The following ABTB3 variants were observed in gnomAD, a reference collection of about 807,000 sequenced individuals.
ABTB3 encodes ankyrin repeat- and BTB/POZ domain-containing protein 3.
At chr12:107,342,811 G>A in the ABTB3 span, among the ~76,000 whole-genome samples, 12 of 152,172 alleles carry the variant, frequency 7.9e-5, no homozygotes, top group East Asian at 3.9e-4. Flanking sequence ...CAAGCCCTAC[G>A]TATTTCTTGG....
At chr12:107,490,999 C>T in the ABTB3 span, among the ~76,000 whole-genome samples, 727 of 152,292 alleles carry the variant, frequency 4.8e-3, 9 homozygotes, top group Middle Eastern at 0.017. Context: ...GGGATTAGAA[C>T]TCAGATCTGC....
the ABTB3 span, among the ~76,000 whole-genome samples, chr12:107,614,378 T>A: frequency 1.3e-4 from 19 of 151,548 alleles, no homozygotes; most frequent in East Asian, 2.9e-3. Flanking sequence ...AGCAGAAGAG[T>A]GAAATGAGAA....
At chr12:107,335,891 T>G in the ABTB3 span, among the ~76,000 whole-genome samples, 1 of 152,096 alleles carries the variant, frequency 6.6e-6, no homozygotes, top group Non-Finnish European at 1.5e-5. Flanking sequence ...GAACCAATAT[T>G]GGTAATAAAC....
At chr12:107,586,200 G>A in the ABTB3 span, among the ~76,000 whole-genome samples, 1 of 152,118 alleles carries the variant, frequency 6.6e-6, no homozygotes. Context: ...GGTATCTTAT[G>A]GGGCAAGGGG....
At chr12:107,499,720 C>G in the ABTB3 span, among the ~76,000 whole-genome samples, 2 of 150,430 alleles carry the variant, frequency 1.3e-5, no homozygotes, top group African/African-American at 4.9e-5. Context: ...GAATCTCACT[C>G]TGTCACCCAG....
chr12:107,538,759 G>T, the ABTB3 span, among the ~76,000 whole-genome samples: 200 of 152,308 alleles, frequency 1.3e-3, 2 homozygotes, highest in African/African-American at 4.6e-3. Context: ...GGTAGACTCT[G>T]AGAACCCCAG....
At chr12:107,580,926 A>G in the ABTB3 span, 6 of 1,551,554 alleles carry the variant, frequency 3.9e-6, no homozygotes, top group Non-Finnish European at 5.2e-6. Context: ...CTGAGGCCCA[A>G]GGATTCCAGA....
the ABTB3 span, among the ~76,000 whole-genome samples, chr12:107,595,789 T>C: frequency 1.3e-5 from 2 of 152,292 alleles, no homozygotes; most frequent in South Asian, 4.1e-4. Flanking sequence ...AGATGAATTT[T>C]GTAGGATTAA....
At chr12:107,433,007 C>T in the ABTB3 span, among the ~76,000 whole-genome samples, 4 of 152,202 alleles carry the variant, frequency 2.6e-5, no homozygotes, top group South Asian at 2.1e-4. Context: ...GAAGAGTGGC[C>T]GGGCGCGGTG....
the ABTB3 span, among the ~76,000 whole-genome samples, chr12:107,502,585 C>CG: frequency 6.6e-6 from 1 of 151,744 alleles, no homozygotes; most frequent in Non-Finnish European, 1.5e-5. Flanking sequence ...TGTTTTAAAT[C>CG]GGGGTCCCCA....
At chr12:107,566,649 A>G in the ABTB3 span, among the ~76,000 whole-genome samples, 1 of 44,376 alleles carries the variant, frequency 2.3e-5, no homozygotes, top group Non-Finnish European at 5.2e-5. Flanking sequence ...TAATTTAAAT[A>G]CACACACACA....
the ABTB3 span, among the ~76,000 whole-genome samples, chr12:107,337,045 C>T: frequency 6.6e-6 from 1 of 152,224 alleles, no homozygotes; most frequent in Non-Finnish European, 1.5e-5. Context: ...AAATGATTGC[C>T]CATTATCCCT....
At chr12:107,530,784 TG>T in the ABTB3 span, among the ~76,000 whole-genome samples, 1 of 152,236 alleles carries the variant, frequency 6.6e-6, no homozygotes, top group African/African-American at 2.4e-5. Context: ...GGATCCCATA[TG>T]TAAGGTTTGG....
At chr12:107,466,539 G>A in the ABTB3 span, among the ~76,000 whole-genome samples, 2 of 148,550 alleles carry the variant, frequency 1.3e-5, no homozygotes, top group South Asian at 2.2e-4. Flanking sequence ...GGTGTCAAAA[G>A]GAGCCTGGTT....
chr12:107,635,324 C>T, the ABTB3 span: 1 of 1,613,962 alleles, frequency 6.2e-7, no homozygotes, highest in Admixed American at 1.7e-5. Context: ...CATCTTCACA[C>T]ACTGCTACGG....
the ABTB3 span, among the ~76,000 whole-genome samples, chr12:107,548,428 C>G: frequency 6.6e-6 from 1 of 152,332 alleles, no homozygotes; most frequent in South Asian, 2.1e-4. Context: ...AACAGCCTTT[C>G]TTGGCTGAGG....
the ABTB3 span, chr12:107,650,801 T>G: frequency 3.3e-5 from 5 of 152,300 alleles, no homozygotes; most frequent in African/African-American, 9.7e-5. Context: ...CATGAGCCAC[T>G]GCACACGGCT....
At chr12:107,468,727 A>G in the ABTB3 span, among the ~76,000 whole-genome samples, 2 of 152,198 alleles carry the variant, frequency 1.3e-5, no homozygotes, top group Non-Finnish European at 2.9e-5. Context: ...TGAACAAGAT[A>G]GGAAAAAATA....
chr12:107,401,906 C>T, the ABTB3 span, among the ~76,000 whole-genome samples: 3 of 147,174 alleles, frequency 2.0e-5, no homozygotes, highest in South Asian at 2.2e-4. Flanking sequence ...AGGTAACAAC[C>T]GCTTAGGGTT....
Sources: allele counts gnomAD v4.1 joint callset (sites outside exome capture counted in the v4.1 genomes callset), GRCh38; gene constraint gnomAD v4.1.1; transcripts MANE v1.5; gene names NCBI Gene and HGNC (gene_info 2026-07-23, HGNC 2026-07-21).